Variants in DET1 observed in about 807,000 individuals in gnomAD.
DET1 encodes the protein DET1 partner of COP1 E3 ubiquitin ligase.
Under a neutral mutation model 43.7 loss-of-function variants are expected in DET1, and 22 were observed. That is an observed-to-expected ratio of 0.50 (90% CI 0.36 to 0.72). The LOEUF (loss-of-function observed/expected upper bound fraction) is 0.72, where lower values mean the gene tolerates loss of function less well. DET1 is among the 30% of genes least tolerant of loss of function. The pLI is 0.00. For synonymous variants in DET1, 315 were observed against 266.2 expected, an observed-to-expected ratio of 1.18 and a Z score of -1.79; for missense variants, 713 against 713.3, an observed-to-expected ratio of 1.00 and a Z score of 0.00.
intron 3 of DET1, among the ~76,000 whole-genome samples, chr15:88,520,658 T>C (rs943280779): frequency 6.6e-6 from 1 of 152,226 alleles, no homozygotes; most frequent in African/African-American, 2.4e-5. Context: ...CCATAGACCA[T>C]CCTCCATTAA....
At chr15:88,537,483 G>A (rs1265362112) in intron 1 of DET1, among the ~76,000 whole-genome samples, 1 of 152,148 alleles carries the variant, frequency 6.6e-6, no homozygotes, top group Non-Finnish European at 1.5e-5. Flanking sequence ...TTACAGGCAT[G>A]AGCTACCACA....
chr15:88,502,710 C>T (rs2056100979), intron 8 of DET1: 1 of 152,172 alleles, frequency 6.6e-6, no homozygotes, highest in Non-Finnish European at 1.5e-5. Flanking sequence ...AAAAAGCCGC[C>T]CAACACTCAG....
chr15:88,529,270 A>G (rs2056750131), intron 2 of DET1, among the ~76,000 whole-genome samples: 1 of 152,244 alleles, frequency 6.6e-6, no homozygotes, highest in Admixed American at 6.5e-5. Context: ...CTTTGATCCT[A>G]TCAGGGTTTC....
chr15:88,533,333 G>C (rs1327281932), intron 1 of DET1, among the ~76,000 whole-genome samples: 1 of 152,124 alleles, frequency 6.6e-6, no homozygotes, highest in Non-Finnish European at 1.5e-5. Context: ...GTGCATTGTT[G>C]GTGGAACTGA....
chr15:88,537,470 G>A (rs1217636919), intron 1 of DET1, among the ~76,000 whole-genome samples: 1 of 152,090 alleles, frequency 6.6e-6, no homozygotes, highest in African/African-American at 2.4e-5. Flanking sequence ...CAAAGTGCTA[G>A]GATTACAGGC....
intron 3 of DET1, among the ~76,000 whole-genome samples, chr15:88,519,744 C>T (rs1258036348): frequency 6.6e-6 from 1 of 152,170 alleles, no homozygotes; most frequent in Admixed American, 6.5e-5. Flanking sequence ...AAGCTCAACT[C>T]TTCCTATTCC....
At chr15:88,502,743 A>T (rs1395617120) in intron 8 of DET1, 1 of 152,222 alleles carries the variant, frequency 6.6e-6, no homozygotes, top group Non-Finnish European at 1.5e-5. Flanking sequence ...CTCCATACTC[A>T]AAGACTGGTT....
chr15:88,531,210 G>C lies in DET1; in HGVS notation c.496C>G (p.Pro166Ala). The change falls in exon 2 of 5, where the codon CCT becomes GCT. Residue 166 changes from proline (P) to alanine (A), a missense_variant. Transcript: ENST00000268148. This position sits in a 1 kb window ranked among gnomAD's most constrained non-coding sequence, Gnocchi z 6.2. Reference sequence around the variant, plus strand: ...TATACCTCAAAAAATGGAGGGTGAGGCTCATCTGGGAGGTAGGCAGCTGAG... The same window carrying C: ...TATACCTCAAAAAATGGAGGGTGAGCCTCATCTGGGAGGTAGGCAGCTGAG... ...VGSAAYLPDE[P>A]HPPFFEVYRN... 6 of 1,613,856 alleles carry C rather than the reference G, an allele frequency of 3.7e-6. No homozygotes were observed. Among genetic ancestry groups the C allele is most frequent in the Non-Finnish European group, 5.1e-6 (6 of 1,179,846 alleles).
intron 1 of DET1, among the ~76,000 whole-genome samples, chr15:88,546,083 T>C (rs1316941687): frequency 6.6e-6 from 1 of 151,926 alleles, no homozygotes; most frequent in Non-Finnish European, 1.5e-5. Flanking sequence ...CCCCTCCCCT[T>C]CCTAAACCAA....
chr15:88,534,674 T>A (rs891601042), intron 1 of DET1, among the ~76,000 whole-genome samples: 1 of 152,172 alleles, frequency 6.6e-6, no homozygotes, highest in Admixed American at 6.5e-5. Context: ...AACACCCAGA[T>A]TGCAGACTGG....
At chr15:88,505,782 A>G (rs79323788) in intron 7 of DET1, 196 of 152,350 alleles carry the variant, frequency 1.3e-3, no homozygotes, top group African/African-American at 4.6e-3. Context: ...CATCTGGCCC[A>G]TAGTAAGTAA....
intron 2 of DET1, among the ~76,000 whole-genome samples, chr15:88,529,419 T>C (rs540234528): frequency 2.0e-5 from 3 of 152,236 alleles, no homozygotes; most frequent in African/African-American, 7.2e-5. Flanking sequence ...ATGCATAAGA[T>C]GAACCAGATG....
chr15:88,505,776 T>C (rs1319307809), intron 7 of DET1: 2 of 152,244 alleles, frequency 1.3e-5, no homozygotes, highest in African/African-American at 2.4e-5. Context: ...GCATAGCATC[T>C]GGCCCATAGT....
chr15:88,517,258 C>T (rs1427747040), intron 3 of DET1, among the ~76,000 whole-genome samples: 2 of 142,226 alleles, frequency 1.4e-5, no homozygotes, highest in Admixed American at 7.1e-5. Context: ...CAGGGTCTCG[C>T]TTTGTTGCCC....
intron 1 of DET1, chr15:88,536,255 C>A: frequency 1.4e-6 from 1 of 740,262 alleles, no homozygotes; most frequent in Non-Finnish European, 2.5e-6. Flanking sequence ...CATGAATTTA[C>A]TGATACACCC....
chr15:88,537,543 C>T (rs547783150), intron 1 of DET1, among the ~76,000 whole-genome samples: 3 of 152,218 alleles, frequency 2.0e-5, no homozygotes, highest in Non-Finnish European at 2.9e-5. Context: ...CTGGAACCCT[C>T]CCATACCCAG....
intron 2 of DET1, among the ~76,000 whole-genome samples, chr15:88,529,255 C>G (rs1323355233): frequency 1.3e-5 from 2 of 152,166 alleles, no homozygotes; most frequent in Non-Finnish European, 2.9e-5. Flanking sequence ...TGGCCCTGGA[C>G]AACACTTTGA....
chr15:88,507,352 C>A (rs2056152290), intron 7 of DET1, among the ~76,000 whole-genome samples: 1 of 152,212 alleles, frequency 6.6e-6, no homozygotes, highest in South Asian at 2.1e-4. Flanking sequence ...TTTACACCCA[C>A]CACCCACCCC....
chr15:88,518,312 C>T (rs1027150957), intron 3 of DET1, among the ~76,000 whole-genome samples: 1 of 152,048 alleles, frequency 6.6e-6, no homozygotes, highest in African/African-American at 2.4e-5. Context: ...GGAATCACTC[C>T]TACATGCAGA....
Sources: allele counts gnomAD v4.1 joint callset (sites outside exome capture counted in the v4.1 genomes callset), GRCh38; gene constraint gnomAD v4.1.1; non-coding constraint Gnocchi (gnomAD v3.1); transcripts MANE v1.5; gene names NCBI Gene and HGNC (gene_info 2026-07-23, HGNC 2026-07-21).